The following DNMBP variants were observed in gnomAD, a reference collection of about 807,000 sequenced individuals.
The protein encoded by DNMBP is dynamin-binding protein.
A neutral mutation model predicts 150.0 loss-of-function variants in DNMBP; 87 were observed. That is an observed-to-expected ratio of 0.58 (90% CI 0.49 to 0.69). The LOEUF (loss-of-function observed/expected upper bound fraction) is 0.69, where lower values mean the gene tolerates loss of function less well. Among genes scored for constraint, DNMBP ranks in the 30% least tolerant of loss-of-function variants. The probability of loss-of-function intolerance (pLI) is 0.00; values close to 1 mark genes in which losing one functional copy is unlikely to be tolerated. For synonymous variants in DNMBP, 711 were observed against 750.4 expected (o/e 0.95, Z 0.86); for missense variants, 1,774 against 1,949.0 (o/e 0.91, Z 1.69).
Position 99,888,867 on chromosome 10 carries a change from C to G in DNMBP, c.3243G>C (p.Glu1081Asp). ...ERGHRDLEQFERVHRYISDQL... is the reference protein window; with the variant it reads ...ERGHRDLEQFDRVHRYISDQL... ...GGTCACTGATGTAGCGATGCACCCT[C>G]TCAAACTGCTCCAGGTCCCGGTGTC... The change falls in exon 12 of 17, where the codon GAG becomes GAC. Residue 1081 changes from glutamate to aspartate, a missense_variant. Around this residue, in one of 2 missense-constraint regions of DNMBP, gnomAD observed 1,430 missense variants for 1,492.5 expected, o/e 0.96. Coordinates refer to ENST00000324109, the MANE Select transcript of DNMBP (RefSeq NM_015221.4). 1.2e-6 allele frequency: 2 copies of G among 1,614,156 alleles called. No individual in the cohort carries two copies. The highest frequency in any genetic ancestry group is 1.7e-6 in the Non-Finnish European group (2 of 1,180,024).
At chr10:99,895,243 C>A (rs2039635791) in intron 10 of DNMBP, among the ~76,000 whole-genome samples, 193 bp from the exon 11 acceptor site, 1 of 151,566 alleles carries the variant, frequency 6.6e-6, no homozygotes, top group Admixed American at 6.6e-5. Context: ...TCTCCTGCGT[C>A]AGCCTCTCGC....
chr10:99,997,917 G>C (rs2040965729), intron 1 of DNMBP, among the ~76,000 whole-genome samples: 1 of 94,486 alleles, frequency 1.1e-5, no homozygotes, highest in Non-Finnish European at 1.9e-5. Context: ...GACAGAATGA[G>C]ACTCTGTCTC....
At chr10:100,002,911 A>C (rs1311681201) in intron 1 of DNMBP, among the ~76,000 whole-genome samples, 2 of 152,216 alleles carry the variant, frequency 1.3e-5, no homozygotes, top group Non-Finnish European at 2.9e-5. Flanking sequence ...TAAAACAAAC[A>C]TTATATGAAA....
intron 4 of DNMBP, among the ~76,000 whole-genome samples, chr10:99,922,377 T>C (rs1016108501): frequency 3.3e-5 from 5 of 152,106 alleles, no homozygotes; most frequent in African/African-American, 1.2e-4. Context: ...CTTTCCTTGA[T>C]ATCTCTCGCT....
Position 99,957,478 on chromosome 10 carries a change from G to T in DNMBP, c.269-273C>A. 3 of 463,774 alleles carry T rather than the reference G, an allele frequency of 6.5e-6. No homozygotes were observed. In the South Asian group the frequency reaches 1.0e-4, roughly 16 times the overall value. The allele number at this position is 463,774 out of a possible 1,614,324, so 28.7% of individuals were successfully genotyped here. A position where few individuals can be genotyped will look rare whatever the true frequency, so the allele number is the denominator to read the frequency against. Reference sequence around the variant, plus strand: ...AAAACCATTCTCATAATAACACTAAGACTTTATCTACATATTTTACTCTGC... The same window carrying T: ...AAAACCATTCTCATAATAACACTAATACTTTATCTACATATTTTACTCTGC... On this transcript the variant is annotated intron_variant, in intron 3 of 16. Transcript: ENST00000324109.
chr10:99,899,055 T>C (rs1403647271), intron 7 of DNMBP, among the ~76,000 whole-genome samples: 3 of 151,962 alleles, frequency 2.0e-5, no homozygotes, highest in African/African-American at 7.3e-5. Context: ...TAGCTAGGCA[T>C]GGTGGCACGT....
intron 1 of DNMBP, 28 bp from the exon 2 acceptor site, chr10:99,972,162 A>C: frequency 6.3e-7 from 1 of 1,585,074 alleles, no homozygotes; most frequent in Admixed American, 1.9e-5. Flanking sequence ...GAGAAATAGA[A>C]AACATCAATA....
intron 1 of DNMBP, among the ~76,000 whole-genome samples, chr10:99,996,433 T>C (rs543777333): frequency 3.3e-5 from 5 of 152,238 alleles, no homozygotes; most frequent in African/African-American, 1.2e-4. Flanking sequence ...GACACGAGGA[T>C]CACTTGAAAC....
At chr10:99,895,081 A>T (rs983313964) in intron 10 of DNMBP, 31 bp from the exon 11 acceptor site, 2 of 1,365,298 alleles carry the variant, frequency 1.5e-6, no homozygotes, top group Admixed American at 3.6e-5. Context: ...GCTGTTAGCA[A>T]ATCTGGACAC....
At chr10:99,992,008 G>C (rs1162716111) in intron 1 of DNMBP, among the ~76,000 whole-genome samples, 1 of 151,928 alleles carries the variant, frequency 6.6e-6, no homozygotes, top group Non-Finnish European at 1.5e-5. Context: ...GAGGCCAAGG[G>C]GGCAGATGGC....
In DNMBP at chr10:99,945,932, C is replaced by T. The variant is rs112658821; in HGVS notation, c.2260+9282G>A. ...GAGCTTTCATGAGACAACATGCAAC[C>T]GAACAGCCCTACCCAGAAATGCTTT... On this transcript the variant is annotated intron_variant, in intron 4 of 16. Transcript: ENST00000324109. 2.7e-3 allele frequency among the ~76,000 whole-genome samples: 405 copies of T among 152,236 alleles called. 4 individuals are homozygous for T. Among genetic ancestry groups the T allele is most frequent in the African/African-American group, 7.4e-3 (307 of 41,524 alleles).
At position 99,951,898 on chromosome 10, in the gene DNMBP, G is replaced by A. The variant is rs1014545939; in HGVS notation, c.2260+3316C>T. ...GGCATGATTAGTTTTGAAATGTGAC[G>A]ACATGAGATTTGGGAGGATCCAGGC... On this transcript the variant is annotated intron_variant, in intron 4 of 16. Transcript: ENST00000324109. Among the ~76,000 whole-genome samples the A allele has an allele frequency of 6.6e-5, 10 of 152,248 alleles. No homozygotes were observed. In the South Asian group the frequency reaches 8.3e-4, roughly 13 times the overall value.
At chr10:99,974,181 A>G (rs2040705020) in intron 1 of DNMBP, among the ~76,000 whole-genome samples, 1 of 152,190 alleles carries the variant, frequency 6.6e-6, no homozygotes, top group Non-Finnish European at 1.5e-5. Flanking sequence ...AGAAAGGACT[A>G]TGTAGATGGC....
chr10:99,906,483 C>A (rs754286198), intron 6 of DNMBP, among the ~76,000 whole-genome samples: 1 of 152,224 alleles, frequency 6.6e-6, no homozygotes, highest in East Asian at 1.9e-4. Flanking sequence ...GTAGGACCCA[C>A]AGAACATGAC....
chr10:99,984,632 G>A (rs998552338), intron 1 of DNMBP, among the ~76,000 whole-genome samples: 3 of 152,214 alleles, frequency 2.0e-5, no homozygotes, highest in Non-Finnish European at 2.9e-5. Flanking sequence ...AGTGAGATCT[G>A]CAAGGCAGGC....
chr10:99,891,196 C>CTCCCTCTCTTTCCACG lies in DNMBP; in HGVS notation c.3157-2244_3157-2243insCGTGGAAAGAGAGGGA, dbSNP rs2039553004. On this transcript the variant is annotated intron_variant, in intron 11 of 16. Coordinates refer to ENST00000324109, the MANE Select transcript of DNMBP (RefSeq NM_015221.4). ...TCCCTCCCCCTCTCCCTCTCCCCAC[C>CTCCCTCTCTTTCCACG]GTCTCCCTCTCTTTCCACGGTCTCC... Among the ~76,000 whole-genome samples, 8 of 143,792 alleles carry CTCCCTCTCTTTCCACG rather than the reference C, an allele frequency of 5.6e-5. No homozygotes were observed. In the South Asian group the frequency reaches 6.7e-4, roughly 12 times the overall value. 94.3% of individuals were successfully genotyped at this position (143,792 alleles called of 152,430 possible).
chr10:99,968,743 T>C (rs1008496459), intron 3 of DNMBP, among the ~76,000 whole-genome samples: 1 of 149,938 alleles, frequency 6.7e-6, no homozygotes, highest in African/African-American at 2.5e-5. Flanking sequence ...GGCTATAGCA[T>C]GGGGGCATTG....
chr10:99,960,110 T>G (rs2040547466), intron 3 of DNMBP, among the ~76,000 whole-genome samples: 1 of 152,132 alleles, frequency 6.6e-6, no homozygotes, highest in Non-Finnish European at 1.5e-5. Context: ...GTAGAAGAAG[T>G]TGAGGTAAAG....
Position 99,956,055 on chromosome 10 carries a change from C to T in DNMBP, c.1419G>A (p.Lys473=), listed in dbSNP as rs777791398. ...RMYSQLKTLQ[K]PVLPLYRGSS... is the part of the protein sequence containing the mutation. ...AGCCCCTGTAAAGAGGGAGCACTGG[C>T]TTCTGAAGAGTTTTTAGCTGGGAAT... The change falls in exon 4 of 17, where the codon AAG becomes AAA. Residue 473 remains lysine (K), a synonymous_variant. Coordinates refer to ENST00000324109, the MANE Select transcript of DNMBP (RefSeq NM_015221.4). 1.9e-6 allele frequency: 3 copies of T among 1,614,210 alleles called. No individual in the cohort carries two copies. The highest frequency in any genetic ancestry group is 2.2e-5 in the South Asian group (2 of 91,086).
Sources: gnomAD v4.1 joint callset for allele counts (sites outside exome capture counted in the v4.1 genomes callset) on GRCh38, gnomAD v4.1.1 for gene constraint, gnomAD v4.1.1 regional missense constraint, MANE v1.5 for transcripts, NCBI Gene and HGNC (gene_info 2026-07-23, HGNC 2026-07-21) for gene names.